KLF12: variants seen among roughly 807,000 people sequenced by gnomAD.
KLF12 encodes Krueppel-like factor 12.
A neutral mutation model predicts 37.8 loss-of-function variants in KLF12; 9 were observed. That is an observed-to-expected ratio of 0.24 (90% CI 0.14 to 0.42). The LOEUF (loss-of-function observed/expected upper bound fraction) is 0.42. Among genes scored for constraint, KLF12 ranks in the 10% least tolerant of loss-of-function variants. The pLI is 1.00. For missense variants in KLF12, 411 were observed against 516.0 expected, an observed-to-expected ratio of 0.80 and a Z score of 1.97; for synonymous variants, 208 against 202.1, an observed-to-expected ratio of 1.03 and a Z score of -0.25.
the KLF12 span, among the ~76,000 whole-genome samples, chr13:74,281,474 C>A: frequency 6.6e-6 from 1 of 152,078 alleles, no homozygotes; most frequent in East Asian, 1.9e-4. Flanking sequence ...CAAAGAAAAC[C>A]AGTTCTTAGA....
At chr13:73,940,591 G>C (rs1197480661) in intron 3 of KLF12, among the ~76,000 whole-genome samples, 1 of 152,072 alleles carries the variant, frequency 6.6e-6, no homozygotes, top group Non-Finnish European at 1.5e-5. Context: ...AGAGCAGGTT[G>C]ACAATTATCT....
At chr13:74,188,472 T>C in the KLF12 span, among the ~76,000 whole-genome samples, 1 of 152,182 alleles carries the variant, frequency 6.6e-6, no homozygotes, top group South Asian at 2.1e-4. Flanking sequence ...TTTACTCAGT[T>C]GAAAATATAA....
At chr13:73,774,204 T>C (rs1207510097) in intron 5 of KLF12, among the ~76,000 whole-genome samples, 2 of 152,004 alleles carry the variant, frequency 1.3e-5, no homozygotes, top group Non-Finnish European at 2.9e-5. Flanking sequence ...CCTAAAGATG[T>C]GTTGCTGCAA....
rs74095787 is a variant in KLF12, at chr13:73,830,439, G to A, written c.670+15388C>T. 1.9e-3 allele frequency among the ~76,000 whole-genome samples: 282 copies of A among 152,190 alleles called. 2 individuals are homozygous for A. The highest frequency in any genetic ancestry group is 6.1e-3 in the African/African-American group (253 of 41,540). Reference sequence around the variant, plus strand: ...GGAAAATGCCAGATTTTACTATGAAGCTATTCTCCATAACCAAACACACAC... The same window carrying A: ...GGAAAATGCCAGATTTTACTATGAAACTATTCTCCATAACCAAACACACAC... On this transcript the variant is annotated intron_variant, in intron 4 of 7. Coordinates refer to ENST00000377669, the MANE Select transcript of KLF12 (RefSeq NM_007249.5).
intron 1 of KLF12, among the ~76,000 whole-genome samples, chr13:74,115,477 G>A (rs9592968): frequency 0.54 from 82,206 of 151,702 alleles, 27,278 homozygotes; most frequent in East Asian, 0.88. Flanking sequence ...GGCTGAAGCA[G>A]GTGGATCACC....
chr13:74,178,850 C>A, the KLF12 span, among the ~76,000 whole-genome samples: 1 of 152,112 alleles, frequency 6.6e-6, no homozygotes, highest in Admixed American at 6.5e-5. Context: ...TCACTAGTAA[C>A]CCTCTGGAAA....
At chr13:73,838,836 G>C (rs1475516319) in intron 4 of KLF12, among the ~76,000 whole-genome samples, 2 of 152,148 alleles carry the variant, frequency 1.3e-5, no homozygotes, top group African/African-American at 4.8e-5. Flanking sequence ...AGAAATAGCA[G>C]AGCATCTACA....
chr13:73,756,723 T>A (rs905868392), intron 6 of KLF12, among the ~76,000 whole-genome samples: 5 of 152,100 alleles, frequency 3.3e-5, no homozygotes, highest in African/African-American at 9.7e-5. Flanking sequence ...TCCCACCTCA[T>A]CTCATCTTTG....
intron 2 of KLF12, among the ~76,000 whole-genome samples, chr13:73,950,167 A>G (rs1459675134): frequency 6.6e-6 from 1 of 152,196 alleles, no homozygotes; most frequent in Non-Finnish European, 1.5e-5. Context: ...AGCTATCACA[A>G]CAATGTGCAG....
chr13:73,775,385 G>T (rs183368319), intron 5 of KLF12, among the ~76,000 whole-genome samples: 3 of 152,158 alleles, frequency 2.0e-5, no homozygotes, highest in Admixed American at 2.0e-4. Flanking sequence ...ATAAAATAAT[G>T]CTATGGTAAG....
chr13:74,165,613 T>A, the KLF12 span, among the ~76,000 whole-genome samples: 20 of 152,184 alleles, frequency 1.3e-4, no homozygotes, highest in Non-Finnish European at 2.8e-4. Context: ...ATTTTCATAG[T>A]TGCACTTGTT....
chr13:73,810,982 C>CTTTCTT (rs1555308731), intron 5 of KLF12, among the ~76,000 whole-genome samples: 6 of 44,818 alleles, frequency 1.3e-4, no homozygotes, highest in Non-Finnish European at 2.0e-4. Context: ...ATTTTTCTTT[C>CTTTCTT]TTTTTTTTTT....
At chr13:73,710,303 C>G (rs528642846) in intron 7 of KLF12, among the ~76,000 whole-genome samples, 1 of 151,954 alleles carries the variant, frequency 6.6e-6, no homozygotes, top group African/African-American at 2.4e-5. Flanking sequence ...CTAAAAAAAA[C>G]TTAACACCAT....
chr13:74,017,638 T>C (rs1328923956), intron 1 of KLF12, among the ~76,000 whole-genome samples: 1 of 132,374 alleles, frequency 7.6e-6, no homozygotes, highest in East Asian at 2.4e-4. Context: ...TCGTTACAAA[T>C]AGAAAAATAT....
the KLF12 span, among the ~76,000 whole-genome samples, chr13:74,188,812 A>G: frequency 1.3e-5 from 2 of 152,108 alleles, no homozygotes; most frequent in Non-Finnish European, 2.9e-5. Flanking sequence ...CCTGGCCAAC[A>G]TGGCGAAACC....
At chr13:74,293,924 C>A in the KLF12 span, among the ~76,000 whole-genome samples, 1 of 152,178 alleles carries the variant, frequency 6.6e-6, no homozygotes, top group African/African-American at 2.4e-5. Context: ...GAATGTACAG[C>A]CCATTTTTAA....
At chr13:73,960,477 G>A (rs1175362073) in intron 2 of KLF12, 3 of 215,648 alleles carry the variant, frequency 1.4e-5, no homozygotes, top group East Asian at 1.2e-4. Flanking sequence ...GAGTCAAGTG[G>A]GCTAAAAAAA....
chr13:74,107,763 T>C (rs533278480), intron 1 of KLF12, among the ~76,000 whole-genome samples: 2 of 152,076 alleles, frequency 1.3e-5, no homozygotes, highest in South Asian at 2.1e-4. Flanking sequence ...CTGGAAAAAA[T>C]GTGCACCTCA....
chr13:73,834,048 A>G (rs1884303468), intron 4 of KLF12, among the ~76,000 whole-genome samples: 1 of 152,186 alleles, frequency 6.6e-6, no homozygotes, highest in Non-Finnish European at 1.5e-5. Context: ...TACTAGTGTC[A>G]AACACGATGT....
Sources: gnomAD v4.1 joint callset for allele counts (sites outside exome capture counted in the v4.1 genomes callset) on GRCh38, gnomAD v4.1.1 for gene constraint, MANE v1.5 for transcripts, NCBI Gene and HGNC (gene_info 2026-07-23, HGNC 2026-07-21) for gene names.